The following DPYD variants were observed in gnomAD, a reference collection of about 807,000 sequenced individuals.
The protein encoded by DPYD is dihydropyrimidine dehydrogenase, also known as dihydropyrimidine dehydrogenase [NADP(+)].
Under a neutral mutation model 116.2 loss-of-function variants are expected in DPYD, and 109 were observed. The ratio of observed to expected loss-of-function variants is 0.94; its 90% CI spans 0.80 to 1.10. DPYD has a LOEUF of 1.10. DPYD is among the 50% of genes least tolerant of loss of function. The pLI is 0.00. For synonymous variants in DPYD, 440 were observed against 432.0 expected, an observed-to-expected ratio of 1.02 and a Z score of -0.23; for missense variants, 1,302 against 1,254.5, an observed-to-expected ratio of 1.04 and a Z score of -0.57.
intron 15 of DPYD, among the ~76,000 whole-genome samples, chr1:97,375,202 T>G (rs180735439): frequency 1.3e-5 from 2 of 152,240 alleles, no homozygotes; most frequent in East Asian, 3.9e-4. Flanking sequence ...TTTTAACAGG[T>G]TTATCACATG....
At chr1:97,152,802 G>A (rs1655132426) in intron 20 of DPYD, among the ~76,000 whole-genome samples, 1 of 151,844 alleles carries the variant, frequency 6.6e-6, no homozygotes, top group African/African-American at 2.4e-5. Flanking sequence ...TACTTTTCAA[G>A]TTTATGTTTA....
chr1:97,610,715 CTCAGATT>C, intron 8 of DPYD, among the ~76,000 whole-genome samples: 1 of 152,154 alleles, frequency 6.6e-6, no homozygotes, highest in South Asian at 2.1e-4. Flanking sequence ...ATTTTTGTAT[CTCAGATT>C]TCAGATTTCT....
chr1:97,620,026 C>T (rs114964942), intron 8 of DPYD, among the ~76,000 whole-genome samples: 2,648 of 151,082 alleles, frequency 0.018, 29 homozygotes, highest in Non-Finnish European at 0.027. Context: ...GCAAAATCTC[C>T]CAGTATAAGT....
chr1:97,287,635 G>T (rs764233970), intron 18 of DPYD, among the ~76,000 whole-genome samples: 1 of 152,088 alleles, frequency 6.6e-6, no homozygotes, highest in East Asian at 1.9e-4. Context: ...GGGTAATGGC[G>T]AGCACCCCTC....
At chr1:97,207,466 T>C (rs913127473) in intron 19 of DPYD, among the ~76,000 whole-genome samples, 49 of 152,182 alleles carry the variant, frequency 3.2e-4, no homozygotes, top group African/African-American at 1.1e-3. Flanking sequence ...ACAAAGCCTG[T>C]GTATAGATTT....
chr1:97,278,920 A>T (rs964052566), intron 18 of DPYD, among the ~76,000 whole-genome samples: 8 of 142,452 alleles, frequency 5.6e-5, no homozygotes, highest in African/African-American at 2.0e-4. Flanking sequence ...ATTTCGTAAA[A>T]ATTTTTTTTT....
intron 12 of DPYD, among the ~76,000 whole-genome samples, chr1:97,544,611 C>CT (rs1055559094): frequency 2.7e-5 from 4 of 148,934 alleles, no homozygotes; most frequent in African/African-American, 7.4e-5. Context: ...AAAATAATTT[C>CT]TTTTTTTTTC....
At chr1:97,766,977 A>C (rs571333401) in intron 3 of DPYD, among the ~76,000 whole-genome samples, 2 of 152,316 alleles carry the variant, frequency 1.3e-5, no homozygotes, top group South Asian at 4.1e-4. Context: ...TGAAAAAATA[A>C]ACAGGGAAGT....
chr1:97,240,938 A>G (rs1027708661), intron 18 of DPYD, among the ~76,000 whole-genome samples: 27 of 152,094 alleles, frequency 1.8e-4, no homozygotes, highest in African/African-American at 6.3e-4. Context: ...GCATAATTCA[A>G]TCAGAAACTG....
At chr1:97,666,572 T>C (rs1232277113) in intron 8 of DPYD, among the ~76,000 whole-genome samples, 2 of 152,184 alleles carry the variant, frequency 1.3e-5, no homozygotes, top group Admixed American at 6.5e-5. Context: ...CACTACACTT[T>C]AGAAATAAAA....
chr1:97,270,445 C>T (rs185790050), intron 18 of DPYD, among the ~76,000 whole-genome samples: 1 of 152,314 alleles, frequency 6.6e-6, no homozygotes, highest in Non-Finnish European at 1.5e-5. Flanking sequence ...AACACACACA[C>T]ATTTTCTGTG....
At chr1:97,347,232 T>G (rs1248944676) in intron 16 of DPYD, among the ~76,000 whole-genome samples, 4 of 151,998 alleles carry the variant, frequency 2.6e-5, no homozygotes, top group African/African-American at 9.7e-5. Context: ...ATTTCACTAT[T>G]AAGTTTGATG....
At chr1:97,233,509 T>C (rs1182463337) in intron 19 of DPYD, among the ~76,000 whole-genome samples, 1 of 152,070 alleles carries the variant, frequency 6.6e-6, no homozygotes, top group African/African-American at 2.4e-5. Flanking sequence ...TACTTGTCCT[T>C]TGCTTGCATG....
In DPYD at chr1:97,638,216, A is replaced by G. The variant is rs185138860; in HGVS notation, c.850+40879T>C. On this transcript the variant is annotated intron_variant, in intron 8 of 22. Transcript: ENST00000370192. ...AAAATGTACATACAGTGAGGGTAAAAACCCTCACTGTCAGCTCAGCATACC... is the reference window on the plus strand; with the variant it reads ...AAAATGTACATACAGTGAGGGTAAAGACCCTCACTGTCAGCTCAGCATACC... Among the ~76,000 whole-genome samples the G allele has an allele frequency of 4.6e-5, 7 of 152,228 alleles. No individual in the cohort carries two copies. In the East Asian group the frequency reaches 1.4e-3, roughly 30 times the overall value.
At chr1:97,366,306 T>G (rs1671037847) in intron 16 of DPYD, among the ~76,000 whole-genome samples, 1 of 152,174 alleles carries the variant, frequency 6.6e-6, no homozygotes, top group South Asian at 2.1e-4. Context: ...GTTTTTCTCA[T>G]AAACAAGTGG....
chr1:97,252,001 C>T (rs552438467), intron 18 of DPYD, among the ~76,000 whole-genome samples: 2 of 152,192 alleles, frequency 1.3e-5, no homozygotes, highest in Admixed American at 1.3e-4. Flanking sequence ...TATATCTTTA[C>T]CTCTCCAAAA....
In DPYD at chr1:97,138,856, C is replaced by T. The variant is rs181123941; in HGVS notation, c.2623-40224G>A. ...GAGCTCTCCTCTGGCTTTCTGTCTGCTTATGAGTTACTGTGCAGCACCAGT... is the reference window on the plus strand; with the variant it reads ...GAGCTCTCCTCTGGCTTTCTGTCTGTTTATGAGTTACTGTGCAGCACCAGT... On this transcript the variant is annotated intron_variant, in intron 20 of 22. Coordinates refer to ENST00000370192, the MANE Select transcript of DPYD (RefSeq NM_000110.4). Among the ~76,000 whole-genome samples the T allele has an allele frequency of 1.2e-3, 190 of 152,242 alleles. 3 individuals are homozygous for T. The highest frequency in any genetic ancestry group is 0.012 in the Admixed American group (176 of 15,270).
chr1:97,724,701 C>T (rs1663134527), intron 4 of DPYD, among the ~76,000 whole-genome samples: 1 of 151,382 alleles, frequency 6.6e-6, no homozygotes, highest in South Asian at 2.1e-4. Flanking sequence ...GATTTAAATG[C>T]CAATCTAATT....
chr1:97,595,095 C>T lies in DPYD; in HGVS notation c.922G>A (p.Asp308Asn). The part of the protein sequence containing the change: ...TQDQGFYTSK[D>N]FLPLVAKGSK... Reference sequence around the variant, plus strand: ...CCTTTGGCTACAAGTGGCAAAAAGTCTTTGGATGTATAAAACCCCTGGTCC... The same window carrying T: ...CCTTTGGCTACAAGTGGCAAAAAGTTTTTGGATGTATAAAACCCCTGGTCC... The change falls in exon 9 of 23, where the codon GAC becomes AAC. Residue 308 changes from aspartate to asparagine, a missense_variant. Physicochemically the swap from Asp to Asn is conservative, Grantham distance 23. Coordinates refer to ENST00000370192, the MANE Select transcript of DPYD (RefSeq NM_000110.4). 1.2e-6 allele frequency: 2 copies of T among 1,613,628 alleles called. No individual in the cohort carries two copies. The highest frequency in any genetic ancestry group is 1.7e-6 in the Non-Finnish European group (2 of 1,179,666).
Sources: gnomAD v4.1 joint callset for allele counts (sites outside exome capture counted in the v4.1 genomes callset) on GRCh38, gnomAD v4.1.1 for gene constraint, MANE v1.5 for transcripts, NCBI Gene and HGNC (gene_info 2026-07-23, HGNC 2026-07-21) for gene names.